Variants in LAMA2 observed in about 807,000 individuals in gnomAD.
LAMA2 encodes the protein laminin subunit alpha-2.
LAMA2 carries 269 observed loss-of-function variants against 364.8 expected under a neutral mutation model. That is an observed-to-expected ratio of 0.74 (90% CI 0.67 to 0.82). The LOEUF (loss-of-function observed/expected upper bound fraction) is 0.82. Among genes scored for constraint, LAMA2 ranks in the 40% least tolerant of loss-of-function variants. The probability of loss-of-function intolerance (pLI) is 0.00; values close to 1 mark genes in which losing one functional copy is unlikely to be tolerated. For synonymous variants in LAMA2, 1,379 were observed against 1,370.6 expected, an observed-to-expected ratio of 1.01 and a Z score of -0.14; for missense variants, 3,807 against 3,873.2, an observed-to-expected ratio of 0.98 and a Z score of 0.45.
In LAMA2 at chr6:129,216,684, GTAAA is replaced by G. The variant is rs529707843; in HGVS notation, c.1782+23835_1782+23838del. The stretch of plus-strand genomic sequence containing the variant: ...TATTAATATGGTGGATATTTACTCA[GTAAA>G]TAATAAAGAAAACTAATATGAAGTG... On this transcript the variant is annotated intron_variant, in intron 12 of 64. Transcript: ENST00000421865. Among the ~76,000 whole-genome samples, 791 of 152,116 alleles carry G rather than the reference GTAAA, an allele frequency of 5.2e-3. 5 individuals carry two copies. Among genetic ancestry groups the G allele is most frequent in the Middle Eastern group, 0.017 (5 of 294 alleles).
rs138760381 is a variant in LAMA2 at position 129,060,076 on chromosome 6, A to G, written c.396+180A>G. 7.2e-5 allele frequency among the ~76,000 whole-genome samples: 11 copies of G among 152,350 alleles called. No homozygotes were observed. In the East Asian group the frequency reaches 1.9e-3, roughly 27 times the overall value. On this transcript the variant is annotated intron_variant, in intron 3 of 64. Transcript: ENST00000421865. The stretch of plus-strand genomic sequence containing the variant: ...GTATTGTTATTTACGAGTATTCAGC[A>G]TTTAATTATAAAGCACAATTCAAAT...
At chr6:129,438,856 T>C (rs995542173) in intron 42 of LAMA2, 94 bp downstream of exon 42, 2 of 758,052 alleles carry the variant, frequency 2.6e-6, no homozygotes, top group Non-Finnish European at 4.9e-6. Context: ...ATTATTCTGG[T>C]ACTATTATCT....
intron 17 of LAMA2, among the ~76,000 whole-genome samples, chr6:129,273,391 T>C (rs1788078531): frequency 1.3e-5 from 2 of 152,178 alleles, no homozygotes; most frequent in South Asian, 4.1e-4. Flanking sequence ...CAAGATGTCA[T>C]GAGCATTAGC....
intron 22 of LAMA2, among the ~76,000 whole-genome samples, chr6:129,311,185 G>A (rs34874182): frequency 0.014 from 2,120 of 151,806 alleles, 21 homozygotes; most frequent in Non-Finnish European, 0.023. Context: ...GCAGTGGCGC[G>A]ATCTCGGCTC....
intron 32 of LAMA2, among the ~76,000 whole-genome samples, chr6:129,363,197 G>A (rs766128568): frequency 9.2e-5 from 14 of 152,064 alleles, no homozygotes; most frequent in Non-Finnish European, 7.4e-5. Flanking sequence ...TCAACCACTC[G>A]GGAGGCTGAG....
rs139025641 is a variant in LAMA2 at position 129,420,208 on chromosome 6, G to A, written c.5866-7544G>A. Among the ~76,000 whole-genome samples, 417 of 151,968 alleles carry A rather than the reference G, an allele frequency of 2.7e-3. 3 individuals carry two copies. Among genetic ancestry groups the A allele is most frequent in the African/African-American group, 8.3e-3 (342 of 41,444 alleles). Reference sequence around the variant, plus strand: ...TACTATGGGAATGAACATCACATACGTATTTTAAAAAATATTCTCAAAAAT... The same window carrying A: ...TACTATGGGAATGAACATCACATACATATTTTAAAAAATATTCTCAAAAAT... On this transcript the variant is annotated intron_variant, in intron 40 of 64. Transcript: ENST00000421865.
In LAMA2 at chr6:129,454,202, C is replaced by T. The variant is rs2114790879; in HGVS notation, c.6621C>T (p.Leu2207=). ...IEMRKGKVSF[L]WDVGSGVGRV... ...TGCGTAAAGGCAAAGTCAGCTTCCT[C>T]TGGGATGTTGGATCTGGAGTTGGAC... is the stretch of plus-strand genomic sequence containing the variant. The change falls in exon 47 of 65, where the codon CTC becomes CTT. Residue 2207 remains leucine, a synonymous_variant. Coordinates refer to ENST00000421865, the MANE Select transcript of LAMA2 (RefSeq NM_000426.4). The T allele has an allele frequency of 1.2e-6, 2 of 1,612,588 alleles. No homozygotes were observed. The highest frequency in any genetic ancestry group is 1.7e-6 in the Non-Finnish European group (2 of 1,178,804).
At chr6:129,349,982 T>C (rs1776768864) in intron 31 of LAMA2, among the ~76,000 whole-genome samples, 1 of 152,228 alleles carries the variant, frequency 6.6e-6, no homozygotes, top group Non-Finnish European at 1.5e-5. Flanking sequence ...AATGCATGTA[T>C]ACAGCTGTTA....
chr6:129,042,537 A>G lies in LAMA2; in HGVS notation c.113-7381A>G, dbSNP rs542400723. 4.7e-4 allele frequency among the ~76,000 whole-genome samples: 72 copies of G among 152,164 alleles called. 2 individuals are homozygous for G. The South Asian group carries it at 0.015, about 31-fold the overall frequency. On this transcript the variant is annotated intron_variant, in intron 1 of 64. Transcript: ENST00000421865. ...TTATCTACATTGAAATGCATAAATT[A>G]TCACCCCGTGTAACATTCACTCACT...
At chr6:129,129,896 C>T (rs903019823) in intron 4 of LAMA2, among the ~76,000 whole-genome samples, 2 of 144,524 alleles carry the variant, frequency 1.4e-5, no homozygotes, top group African/African-American at 2.6e-5. Flanking sequence ...TGCACTCCAG[C>T]CTGGGCGACA....
At chr6:129,167,579 G>C (rs1779841578) in intron 9 of LAMA2, among the ~76,000 whole-genome samples, 1 of 151,928 alleles carries the variant, frequency 6.6e-6, no homozygotes, top group Non-Finnish European at 1.5e-5. Flanking sequence ...CATTTGGGTT[G>C]GTTCCAAGTC....
Position 129,320,333 on chromosome 6 carries a change from A to G in LAMA2, c.4059-205A>G, listed in dbSNP as rs539937603. On this transcript the variant is annotated intron_variant, in intron 27 of 64. Transcript: ENST00000421865. ...AGCAGACGTGGAAGAAAATCCCCGT[A>G]CAAGTGAACCCATGCAGTTCAAGCC... is the stretch of plus-strand genomic sequence containing the variant. Among the ~76,000 whole-genome samples the G allele has an allele frequency of 2.0e-5, 3 of 152,252 alleles. No homozygotes were observed. In the East Asian group the frequency reaches 5.8e-4, roughly 29 times the overall value.
intron 3 of LAMA2, among the ~76,000 whole-genome samples, chr6:129,069,537 C>T (rs1361705712): frequency 1.3e-5 from 2 of 148,736 alleles, no homozygotes; most frequent in South Asian, 4.2e-4. Flanking sequence ...ACTAAAAACC[C>T]CATGCACAGA....
intron 12 of LAMA2, among the ~76,000 whole-genome samples, chr6:129,225,570 C>G (rs1350278010): frequency 6.6e-6 from 1 of 152,068 alleles, no homozygotes; most frequent in African/African-American, 2.4e-5. Flanking sequence ...CATCTTTATT[C>G]CAGCCTTCAT....
chr6:128,923,806 C>G (rs1778907669), intron 1 of LAMA2, among the ~76,000 whole-genome samples: 1 of 152,062 alleles, frequency 6.6e-6, no homozygotes, highest in South Asian at 2.1e-4. Flanking sequence ...GATGCAATGA[C>G]AAATACAGGT....
At chr6:129,483,698 C>T (rs1233192722) in intron 55 of LAMA2, among the ~76,000 whole-genome samples, 3 of 152,106 alleles carry the variant, frequency 2.0e-5, no homozygotes, top group African/African-American at 7.2e-5. Flanking sequence ...TGGGGCTGTT[C>T]CACCAGATAT....
intron 34 of LAMA2, among the ~76,000 whole-genome samples, chr6:129,381,441 G>A (rs1425200308): frequency 6.6e-6 from 1 of 151,838 alleles, no homozygotes; most frequent in East Asian, 1.9e-4. Context: ...ACCTTAGTTA[G>A]TGATTCAGAA....
chr6:129,042,698 T>C (rs1186918466), intron 1 of LAMA2, among the ~76,000 whole-genome samples: 1 of 152,144 alleles, frequency 6.6e-6, no homozygotes, highest in African/African-American at 2.4e-5. Flanking sequence ...AAGGCAACCA[T>C]TTTTCCTGTT....
At chr6:129,444,422 A>T (rs1199915627) in intron 44 of LAMA2, among the ~76,000 whole-genome samples, 1 of 152,228 alleles carries the variant, frequency 6.6e-6, no homozygotes, top group African/African-American at 2.4e-5. Context: ...GGTTTATTAA[A>T]AGCATACAAA....
Sources: gnomAD v4.1 joint callset for allele counts (sites outside exome capture counted in the v4.1 genomes callset) on GRCh38, gnomAD v4.1.1 for gene constraint, MANE v1.5 for transcripts, NCBI Gene and HGNC (gene_info 2026-07-23, HGNC 2026-07-21) for gene names.